ARHGAP15: variants seen among roughly 807,000 people sequenced by gnomAD.
The protein encoded by ARHGAP15 is Rho GTPase activating protein 15, also known as rho GTPase-activating protein 15.
A neutral mutation model predicts 63.7 loss-of-function variants in ARHGAP15; 51 were observed. The ratio of observed to expected loss-of-function variants is 0.80; its 90% CI spans 0.64 to 1.01. ARHGAP15 has a LOEUF of 1.01. Ranked by LOEUF, ARHGAP15 falls within the 50% of genes least tolerant of loss-of-function variation. ARHGAP15 has a pLI of 0.00. For synonymous variants in ARHGAP15, 191 were observed against 193.8 expected (o/e 0.99, Z 0.12); for missense variants, 560 against 564.6 (o/e 0.99, Z 0.08).
At chr2:143,718,732 A>T (rs1684920199) in intron 13 of ARHGAP15, among the ~76,000 whole-genome samples, 1 of 151,942 alleles carries the variant, frequency 6.6e-6, no homozygotes, top group Non-Finnish European at 1.5e-5. Context: ...TACTCTGAAA[A>T]CTCACTTCAC....
chr2:143,364,167 G>A (rs1686189121), intron 6 of ARHGAP15, among the ~76,000 whole-genome samples: 1 of 149,952 alleles, frequency 6.7e-6, no homozygotes, highest in Non-Finnish European at 1.5e-5. Flanking sequence ...CCAAAAATCA[G>A]AGAGGAAACA....
In ARHGAP15 at chr2:143,758,924, A is replaced by T. The variant is rs560151631; in HGVS notation, c.1245-9065A>T. Among the ~76,000 whole-genome samples the T allele has an allele frequency of 1.5e-4, 23 of 152,256 alleles. No individual in the cohort carries two copies. In the East Asian group the frequency reaches 4.1e-3, roughly 27 times the overall value. The stretch of plus-strand genomic sequence containing the variant: ...CCTGCCTTTTAATACCTTCCAAATT[A>T]TCTTCATGAAGGGTAAAGTTTGAGA... On this transcript the variant is annotated intron_variant, in intron 13 of 13. Coordinates refer to ENST00000295095, the MANE Select transcript of ARHGAP15 (RefSeq NM_018460.4).
chr2:143,292,066 C>T (rs543302102), intron 6 of ARHGAP15, among the ~76,000 whole-genome samples: 11 of 151,922 alleles, frequency 7.2e-5, no homozygotes, highest in African/African-American at 2.4e-4. Flanking sequence ...AGCCAAGTGC[C>T]CCAAATTAAT....
At chr2:143,206,535 A>G (rs556433632) in intron 3 of ARHGAP15, among the ~76,000 whole-genome samples, 1 of 152,118 alleles carries the variant, frequency 6.6e-6, no homozygotes. Context: ...AATTTGAATT[A>G]GATAGCCCTT....
chr2:143,342,786 A>G (rs1685114578), intron 6 of ARHGAP15, among the ~76,000 whole-genome samples: 1 of 152,006 alleles, frequency 6.6e-6, no homozygotes, highest in Non-Finnish European at 1.5e-5. Flanking sequence ...TTGTGAATAT[A>G]TGATCACTAG....
At position 143,487,363 on chromosome 2, in the gene ARHGAP15, A is replaced by T; in HGVS notation, c.704-10A>T. On this transcript the variant is annotated splice_polypyrimidine_tract_variant and intron_variant, in intron 8 of 13. Coordinates refer to ENST00000295095, the MANE Select transcript of ARHGAP15 (RefSeq NM_018460.4). ...TTTACCAAAAGCCTCTGATTTTTTT[A>T]AATCTTCAGTGTTCAGACTGCATCA... The T allele has an allele frequency of 6.3e-7, 1 of 1,589,824 alleles. No individual in the cohort carries two copies. Among genetic ancestry groups the T allele is most frequent in the Admixed American group, 1.9e-5 (1 of 53,072 alleles).
At chr2:143,391,557 T>G (rs910041850) in intron 6 of ARHGAP15, among the ~76,000 whole-genome samples, 3 of 152,168 alleles carry the variant, frequency 2.0e-5, no homozygotes, top group African/African-American at 7.2e-5. Flanking sequence ...TTAACTCAAT[T>G]GATTCCTAAT....
chr2:143,483,081 A>T (rs1692151674), intron 8 of ARHGAP15, among the ~76,000 whole-genome samples: 1 of 152,244 alleles, frequency 6.6e-6, no homozygotes, highest in Non-Finnish European at 1.5e-5. Context: ...GTTTCTCAGT[A>T]TGTATGAGAA....
chr2:143,740,508 G>T (rs1559155148), intron 13 of ARHGAP15, among the ~76,000 whole-genome samples: 2 of 152,180 alleles, frequency 1.3e-5, no homozygotes, highest in Admixed American at 6.5e-5. Flanking sequence ...TCCTGAAATT[G>T]CAGTGTAAAA....
intron 10 of ARHGAP15, among the ~76,000 whole-genome samples, chr2:143,525,847 A>G (rs1198342654): frequency 6.6e-6 from 1 of 152,206 alleles, no homozygotes; most frequent in Non-Finnish European, 1.5e-5. Flanking sequence ...AAGACAACCA[A>G]AAGAAATCAG....
At chr2:143,442,113 C>G (rs919457759) in intron 8 of ARHGAP15, among the ~76,000 whole-genome samples, 1 of 152,100 alleles carries the variant, frequency 6.6e-6, no homozygotes, top group East Asian at 1.9e-4. Flanking sequence ...AGTATCATGA[C>G]CATGCCAAGT....
At chr2:143,717,248 A>G (rs1684848356) in intron 13 of ARHGAP15, among the ~76,000 whole-genome samples, 1 of 152,174 alleles carries the variant, frequency 6.6e-6, no homozygotes. Flanking sequence ...CCTTCAGGCA[A>G]GTTGTTTGGG....
chr2:143,576,175 T>C (rs1246938852), intron 11 of ARHGAP15, among the ~76,000 whole-genome samples: 1 of 152,142 alleles, frequency 6.6e-6, no homozygotes, highest in Non-Finnish European at 1.5e-5. Flanking sequence ...TTGACAGCAG[T>C]GTAGGTGGAT....
intron 10 of ARHGAP15, among the ~76,000 whole-genome samples, chr2:143,539,560 A>G (rs1162441717): frequency 1.3e-5 from 2 of 152,054 alleles, no homozygotes; most frequent in Non-Finnish European, 2.9e-5. Context: ...AATGTGTCCC[A>G]GAGATTCTGG....
chr2:143,721,527 A>C (rs980689987), intron 13 of ARHGAP15, among the ~76,000 whole-genome samples: 7 of 152,238 alleles, frequency 4.6e-5, no homozygotes, highest in African/African-American at 1.7e-4. Context: ...CAGGACCTGC[A>C]AGAGCCAAAA....
Position 143,330,124 on chromosome 2 carries a change from AAAAAAAACCAAAAAC to A in ARHGAP15, c.474+79531_474+79545del, listed in dbSNP as rs1684468117. On this transcript the variant is annotated intron_variant, in intron 6 of 13. Coordinates refer to ENST00000295095, the MANE Select transcript of ARHGAP15 (RefSeq NM_018460.4). ...AAAAAAAAAAAAAAAAAAAAAAAAAAAAAAAAACCAAAAACAAAAAACTAAACTAATGATTAATAA... is the reference window on the plus strand; with the variant it reads ...AAAAAAAAAAAAAAAAAAAAAAAAAAAAAAAACTAAACTAATGATTAATAA... 5.9e-5 allele frequency among the ~76,000 whole-genome samples: 5 copies of A among 84,152 alleles called. 1 individual carries two copies. Among genetic ancestry groups the A allele is most frequent in the South Asian group, 3.6e-4 (1 of 2,792 alleles). The allele number at this position is 84,152 out of a possible 152,430, so 55.2% of individuals were successfully genotyped here.
At chr2:143,434,172 T>C (rs1472426697) in intron 6 of ARHGAP15, among the ~76,000 whole-genome samples, 3 of 152,146 alleles carry the variant, frequency 2.0e-5, no homozygotes, top group Non-Finnish European at 4.4e-5. Flanking sequence ...CTCAGTAATC[T>C]GTCAAATTCT....
At chr2:143,249,574 C>G (rs955817910) in intron 5 of ARHGAP15, among the ~76,000 whole-genome samples, 1 of 151,778 alleles carries the variant, frequency 6.6e-6, no homozygotes, top group African/African-American at 2.4e-5. Context: ...TACAGAGAAA[C>G]CTAGAAAATT....
chr2:143,582,104 T>C (rs573931566), intron 11 of ARHGAP15, among the ~76,000 whole-genome samples: 9 of 152,290 alleles, frequency 5.9e-5, no homozygotes, highest in Admixed American at 2.0e-4. Context: ...ATTATGAGGC[T>C]TTATGTTTCA....
Sources: allele counts gnomAD v4.1 joint callset (sites outside exome capture counted in the v4.1 genomes callset), GRCh38; gene constraint gnomAD v4.1.1; transcripts MANE v1.5; gene names NCBI Gene and HGNC (gene_info 2026-07-23, HGNC 2026-07-21).